Variants in SLC12A2 observed in about 807,000 individuals in gnomAD.
SLC12A2 encodes the protein solute carrier family 12 member 2.
In SLC12A2, 67 loss-of-function variants were observed where a neutral mutation model predicts 136.3. That is an observed-to-expected ratio of 0.49 (90% confidence interval 0.40 to 0.60). The LOEUF (loss-of-function observed/expected upper bound fraction) is 0.60. Ranked by LOEUF, SLC12A2 falls within the 20% of genes least tolerant of loss-of-function variation. The probability of loss-of-function intolerance (pLI) is 0.00; values close to 1 mark genes in which losing one functional copy is unlikely to be tolerated. For synonymous variants in SLC12A2, 619 were observed against 562.9 expected, an observed-to-expected ratio of 1.10 and a Z score of -1.41; for missense variants, 1,322 against 1,534.7, an observed-to-expected ratio of 0.86 and a Z score of 2.32.
At chr5:128,185,853 C>T (rs993707453) in intron 26 of SLC12A2, among the ~76,000 whole-genome samples, 9 of 151,950 alleles carry the variant, frequency 5.9e-5, no homozygotes, top group Non-Finnish European at 1.3e-4. Flanking sequence ...TTTGAAAAAT[C>T]TTTTGTTGAA....
At chr5:128,130,312 T>G (rs1416858959) in intron 4 of SLC12A2, among the ~76,000 whole-genome samples, 1 of 151,838 alleles carries the variant, frequency 6.6e-6, no homozygotes, top group Non-Finnish European at 1.5e-5. Flanking sequence ...GTCAGGAGAT[T>G]GAGACCATCC....
At chr5:128,126,255 G>A (rs537223678) in intron 4 of SLC12A2, among the ~76,000 whole-genome samples, 1 of 152,252 alleles carries the variant, frequency 6.6e-6, no homozygotes, top group South Asian at 2.1e-4. Context: ...GTTTAAAAAT[G>A]GGTAAAAGAT....
intron 5 of SLC12A2, among the ~76,000 whole-genome samples, chr5:128,133,670 T>C (rs1472227106): frequency 1.3e-5 from 2 of 152,074 alleles, no homozygotes; most frequent in African/African-American, 4.8e-5. Context: ...GATGGGAATC[T>C]TTTAAAAATG....
At chr5:128,089,488 T>A (rs1385860448) in intron 1 of SLC12A2, among the ~76,000 whole-genome samples, 3 of 152,218 alleles carry the variant, frequency 2.0e-5, no homozygotes, top group Non-Finnish European at 2.9e-5. Context: ...GGTTCTTCTC[T>A]CTTTATCTTT....
chr5:128,141,314 T>G (rs1047137784), intron 9 of SLC12A2, among the ~76,000 whole-genome samples: 1 of 152,186 alleles, frequency 6.6e-6, no homozygotes, highest in Non-Finnish European at 1.5e-5. Flanking sequence ...TGTGTTTTCT[T>G]CTTTTTAGGA....
At chr5:128,176,912 G>T (rs767594819) in intron 20 of SLC12A2, among the ~76,000 whole-genome samples, 193 bp from the exon 21 acceptor site, 8 of 151,942 alleles carry the variant, frequency 5.3e-5, no homozygotes, top group Non-Finnish European at 1.0e-4. Context: ...TAGGGGAGGG[G>T]TCTCAAATAT....
intron 4 of SLC12A2, among the ~76,000 whole-genome samples, chr5:128,127,278 C>A (rs1323589180): frequency 6.6e-6 from 1 of 151,364 alleles, no homozygotes; most frequent in African/African-American, 2.4e-5. Flanking sequence ...CCCGCCACCA[C>A]GCCCAGCTAA....
intron 5 of SLC12A2, among the ~76,000 whole-genome samples, chr5:128,133,310 C>T (rs1335034762): frequency 6.6e-6 from 1 of 152,008 alleles, no homozygotes; most frequent in Admixed American, 6.5e-5. Context: ...TTGACAAAAG[C>T]ATCTTTGGAT....
intron 4 of SLC12A2, among the ~76,000 whole-genome samples, chr5:128,120,254 G>A (rs373033625): frequency 3.1e-4 from 46 of 150,138 alleles, no homozygotes; most frequent in East Asian, 1.8e-3. Context: ...CTTTTACACC[G>A]TTGGTGGGAC....
chr5:128,184,323 TTAAAA>T (rs1163375075), intron 24 of SLC12A2, 38 bp from the exon 25 acceptor site: 1 of 1,269,424 alleles, frequency 7.9e-7, no homozygotes, highest in Non-Finnish European at 1.1e-6. Flanking sequence ...GTTATGTAAC[TTAAAA>T]TAAGATTAGT....
At chr5:128,095,486 A>G (rs986484645) in intron 1 of SLC12A2, among the ~76,000 whole-genome samples, 1 of 152,176 alleles carries the variant, frequency 6.6e-6, no homozygotes, top group Non-Finnish European at 1.5e-5. Flanking sequence ...CACCTGGGGA[A>G]AAATGGCTGT....
intron 10 of SLC12A2, among the ~76,000 whole-genome samples, chr5:128,142,700 T>C (rs145361855): frequency 0.019 from 2,901 of 152,240 alleles, 44 homozygotes; most frequent in Middle Eastern, 0.037. Flanking sequence ...GTACCACACA[T>C]TCCTAATTAC....
intron 10 of SLC12A2, among the ~76,000 whole-genome samples, chr5:128,146,421 A>G (rs906771807): frequency 1.3e-5 from 2 of 151,692 alleles, no homozygotes; most frequent in Non-Finnish European, 1.5e-5. Flanking sequence ...TCTAGCCCAC[A>G]TTAATCTTCA....
At chr5:128,139,389 A>ACT (rs1762287616) in intron 9 of SLC12A2, among the ~76,000 whole-genome samples, 2 of 152,180 alleles carry the variant, frequency 1.3e-5, no homozygotes, top group African/African-American at 4.8e-5. Flanking sequence ...TTACTTAGGA[A>ACT]AAGTTTTACT....
intron 1 of SLC12A2, among the ~76,000 whole-genome samples, chr5:128,085,664 G>T (rs1318236285): frequency 6.6e-6 from 1 of 152,178 alleles, no homozygotes; most frequent in Admixed American, 6.5e-5. Context: ...TACATTGATG[G>T]AATTTGTGAA....
intron 5 of SLC12A2, among the ~76,000 whole-genome samples, chr5:128,132,623 A>G (rs1288623897): frequency 6.6e-6 from 1 of 152,146 alleles, no homozygotes; most frequent in African/African-American, 2.4e-5. Context: ...AGTGACACCT[A>G]TAATTGCTCA....
chr5:128,156,175 G>A (rs891056602), intron 15 of SLC12A2, among the ~76,000 whole-genome samples: 1 of 152,104 alleles, frequency 6.6e-6, no homozygotes, highest in Non-Finnish European at 1.5e-5. Flanking sequence ...GGGACCTACT[G>A]TTCCTAACTC....
At chr5:128,175,782 A>G (rs532253413) in intron 20 of SLC12A2, among the ~76,000 whole-genome samples, 2 of 152,048 alleles carry the variant, frequency 1.3e-5, no homozygotes, top group African/African-American at 4.8e-5. Flanking sequence ...TTACTTTATA[A>G]TTGTTAAATG....
At chr5:128,121,281 G>C (rs908623529) in intron 4 of SLC12A2, among the ~76,000 whole-genome samples, 1 of 152,060 alleles carries the variant, frequency 6.6e-6, no homozygotes, top group Non-Finnish European at 1.5e-5. Context: ...TTTCAGGCTT[G>C]ATTCAATTTT....
Sources: allele counts gnomAD v4.1 joint callset (sites outside exome capture counted in the v4.1 genomes callset), GRCh38; gene constraint gnomAD v4.1.1; transcripts MANE v1.5; gene names NCBI Gene and HGNC (gene_info 2026-07-23, HGNC 2026-07-21).